CATSPERE: variants seen among roughly 807,000 people sequenced by gnomAD.
CATSPERE encodes the protein catsper channel auxiliary subunit epsilon, also known as cation channel sperm-associated auxiliary subunit epsilon.
A neutral mutation model predicts 114.1 loss-of-function variants in CATSPERE; 93 were observed. That is an observed-to-expected ratio of 0.81 (90% CI 0.69 to 0.97). CATSPERE has a LOEUF of 0.97. Ranked by LOEUF, CATSPERE falls within the 50% of genes least tolerant of loss-of-function variation. The probability of loss-of-function intolerance (pLI) is 0.00; values close to 1 mark genes in which losing one functional copy is unlikely to be tolerated. For synonymous variants in CATSPERE, 341 were observed against 384.1 expected (o/e 0.89, Z 1.31); for missense variants, 1,058 against 1,131.6 (o/e 0.93, Z 0.93).
chr1:244,500,871 G>A (rs1261387115), intron 7 of CATSPERE, among the ~76,000 whole-genome samples: 1 of 152,180 alleles, frequency 6.6e-6, no homozygotes, highest in East Asian at 1.9e-4. Flanking sequence ...GTTTTTTCTA[G>A]TTCTGTGAAG....
rs1177231414 is a variant in CATSPERE, at chr1:244,615,455, C to T, written c.2491-2074C>T. Among the ~76,000 whole-genome samples, 12 of 151,680 alleles carry T rather than the reference C, an allele frequency of 7.9e-5. No individual in the cohort carries two copies. In the South Asian group the frequency reaches 1.0e-3, roughly 13 times the overall value. Reference sequence around the variant, plus strand: ...TTAGGCAATTTTGTCATTATGCAAACATCACAGAGAGCACTTACACAAACG... The same window carrying T: ...TTAGGCAATTTTGTCATTATGCAAATATCACAGAGAGCACTTACACAAACG... On this transcript the variant is annotated intron_variant, in intron 19 of 21. Transcript: ENST00000366534.
chr1:244,610,402 T>C (rs1670552373), intron 19 of CATSPERE, 76 bp downstream of exon 19: 3 of 1,022,810 alleles, frequency 2.9e-6, no homozygotes, highest in Non-Finnish European at 1.5e-6. Context: ...AAAAACTTGA[T>C]GGAAACATTT....
chr1:244,564,240 T>A (rs1435919615), intron 10 of CATSPERE, among the ~76,000 whole-genome samples: 2 of 152,214 alleles, frequency 1.3e-5, no homozygotes, highest in Non-Finnish European at 2.9e-5. Flanking sequence ...TACAGGCTCT[T>A]TTTTGGTTCC....
chr1:244,610,044 C>CA (rs1291203519), intron 18 of CATSPERE, among the ~76,000 whole-genome samples, 196 bp from the exon 19 acceptor site: 6 of 151,012 alleles, frequency 4.0e-5, no homozygotes, highest in South Asian at 4.2e-4. Context: ...GACTCTGTCT[C>CA]AAAAAAAAAT....
At chr1:244,625,166 C>G (rs775696766) in intron 20 of CATSPERE, among the ~76,000 whole-genome samples, 33 of 151,510 alleles carry the variant, frequency 2.2e-4, no homozygotes, top group Non-Finnish European at 2.5e-4. Flanking sequence ...GCAGCTATAG[C>G]CTTATGAGAT....
At chr1:244,572,300 G>A (rs1664584261) in intron 10 of CATSPERE, 30 bp from the exon 11 acceptor site, 1 of 1,098,150 alleles carries the variant, frequency 9.1e-7, no homozygotes, top group Non-Finnish European at 1.3e-6. Context: ...TGGTTACTTA[G>A]ACTAACACAA....
chr1:244,497,363 G>T (rs1023050535), intron 6 of CATSPERE, among the ~76,000 whole-genome samples: 2 of 151,680 alleles, frequency 1.3e-5, no homozygotes, highest in African/African-American at 2.4e-5. Flanking sequence ...TTCTTAATAC[G>T]TAAAAAAATT....
At chr1:244,639,536 A>G (rs1675075107) in intron 21 of CATSPERE, among the ~76,000 whole-genome samples, 1 of 152,178 alleles carries the variant, frequency 6.6e-6, no homozygotes, top group African/African-American at 2.4e-5. Context: ...CTAAAAATAC[A>G]AAAATTAGCT....
intron 6 of CATSPERE, among the ~76,000 whole-genome samples, chr1:244,494,865 CCTA>C (rs2148253588): frequency 6.6e-6 from 1 of 152,224 alleles, no homozygotes; most frequent in South Asian, 2.1e-4. Context: ...CATAACTACT[CCTA>C]CTCCAAATCC....
At chr1:244,637,180 C>CA (rs1416784868) in intron 21 of CATSPERE, among the ~76,000 whole-genome samples, 1 of 151,958 alleles carries the variant, frequency 6.6e-6, no homozygotes, top group African/African-American at 2.4e-5. Context: ...GTAACAAAAC[C>CA]AAAAAAATAA....
chr1:244,544,234 G>A, intron 8 of CATSPERE, among the ~76,000 whole-genome samples: 1 of 152,086 alleles, frequency 6.6e-6, no homozygotes, highest in Non-Finnish European at 1.5e-5. Flanking sequence ...AGGGACCTGT[G>A]GCCTCTAACC....
At position 244,455,832 on chromosome 1, in the gene CATSPERE, G is replaced by T. The variant is rs138760734; in HGVS notation, n.237+1219G>T. ...CTCTGTTTTCCTCATGAAACCCCAA[G>T]AATTAAAAGCAGACAGATCCCTCTC... is the stretch of plus-strand genomic sequence containing the variant. On this transcript the variant is annotated intron_variant and non_coding_transcript_variant, in intron 1 of 15. Transcript: ENST00000473875. 1.6e-3 allele frequency among the ~76,000 whole-genome samples: 246 copies of T among 152,186 alleles called. 1 individual carries two copies. The highest frequency in any genetic ancestry group is 5.7e-3 in the African/African-American group (235 of 41,538).
At chr1:244,554,180 C>T (rs1442679506) in intron 9 of CATSPERE, among the ~76,000 whole-genome samples, 1 of 152,056 alleles carries the variant, frequency 6.6e-6, no homozygotes, top group Non-Finnish European at 1.5e-5. Flanking sequence ...GATTTCTTTC[C>T]CTTTTGATAA....
rs547267556 is a variant in CATSPERE, at chr1:244,574,911, C to G, written c.1950+2139C>G. On this transcript the variant is annotated intron_variant, in intron 11 of 21. Transcript: ENST00000366534. Reference sequence around the variant, plus strand: ...TTTTTTTATGACTTTCACAGACAATCTTTGACATGCCTTAACTTTCTGACT... The same window carrying G: ...TTTTTTTATGACTTTCACAGACAATGTTTGACATGCCTTAACTTTCTGACT... 3.3e-5 allele frequency among the ~76,000 whole-genome samples: 5 copies of G among 152,210 alleles called. No homozygotes were observed. The South Asian group carries it at 1.0e-3, about 32-fold the overall frequency.
chr1:244,459,118 C>T (rs1167433806), upstream of CATSPERE, among the ~76,000 whole-genome samples: 3 of 143,880 alleles, frequency 2.1e-5, no homozygotes, highest in Admixed American at 7.1e-5. Context: ...CTAGTTCTGT[C>T]GCCAGGCTGG....
At chr1:244,528,785 C>CCACACACGCACGCACACACACA (rs749801424) in intron 8 of CATSPERE, among the ~76,000 whole-genome samples, 126 of 130,582 alleles carry the variant, frequency 9.6e-4, no homozygotes, top group African/African-American at 3.7e-3. Context: ...CAATCCCCCA[C>CCACACACGCACGCACACACACA]CACACACACA....
intron 8 of CATSPERE, among the ~76,000 whole-genome samples, chr1:244,531,671 G>A (rs1679624996): frequency 1.3e-5 from 2 of 152,056 alleles, no homozygotes; most frequent in South Asian, 2.1e-4. Context: ...GCATCCCTTG[G>A]ATAAATCCCA....
chr1:244,564,183 C>T (rs562943738), intron 10 of CATSPERE, among the ~76,000 whole-genome samples: 38 of 152,178 alleles, frequency 2.5e-4, no homozygotes, highest in South Asian at 8.3e-4. Context: ...AGTCAGGTAG[C>T]GTGATACCTC....
chr1:244,598,566 G>C, intron 17 of CATSPERE: 1 of 299,678 alleles, frequency 3.3e-6, no homozygotes, highest in Non-Finnish European at 6.9e-6. Context: ...CACCTCACCT[G>C]TCTTGCACCC....
Sources: gnomAD v4.1 joint callset for allele counts (sites outside exome capture counted in the v4.1 genomes callset) on GRCh38, gnomAD v4.1.1 for gene constraint, MANE v1.5 for transcripts, NCBI Gene and HGNC (gene_info 2026-07-23, HGNC 2026-07-21) for gene names.